TMEM217: variants seen among roughly 807,000 people sequenced by gnomAD.
TMEM217 encodes transmembrane protein 217.
For missense variants in TMEM217, 204 were observed against 248.8 expected (o/e 0.82, Z 1.21); for synonymous variants, 76 against 88.3 (o/e 0.86, Z 0.78).
At chr6:37,236,161 T>TA (rs1335627864) in intron 1 of TMEM217, among the ~76,000 whole-genome samples, 1 of 152,164 alleles carries the variant, frequency 6.6e-6, no homozygotes. Context: ...AAAAACAATT[T>TA]AAAAAAACAG....
chr6:37,229,594 C>A (rs982974752), intron 1 of TMEM217, among the ~76,000 whole-genome samples: 1 of 151,964 alleles, frequency 6.6e-6, no homozygotes, highest in Non-Finnish European at 1.5e-5. Flanking sequence ...CACCCGCCTC[C>A]GCCTCCCAAA....
intron 1 of TMEM217, among the ~76,000 whole-genome samples, chr6:37,246,174 T>C (rs1765069448): frequency 1.3e-5 from 2 of 152,140 alleles, no homozygotes; most frequent in Admixed American, 6.5e-5. Context: ...CTTCTACTTC[T>C]CCTCTAATTC....
At chr6:37,236,894 G>A (rs1336771501) in intron 1 of TMEM217, among the ~76,000 whole-genome samples, 1 of 152,076 alleles carries the variant, frequency 6.6e-6, no homozygotes, top group Non-Finnish European at 1.5e-5. Context: ...GATGCCTGGC[G>A]ATTGCTCTTG....
At chr6:37,241,690 G>A (rs735924) in intron 1 of TMEM217, among the ~76,000 whole-genome samples, 1,767 of 152,160 alleles carry the variant, frequency 0.012, 32 homozygotes, top group African/African-American at 0.04. Flanking sequence ...TTTCTAGTCT[G>A]GCAATATCCA....
At chr6:37,216,758 G>A (rs1243562927), downstream of TMEM217, among the ~76,000 whole-genome samples, 1 of 152,170 alleles carries the variant, frequency 6.6e-6, no homozygotes, top group Non-Finnish European at 1.5e-5. Flanking sequence ...GCCTTTAGGA[G>A]GTGATTGAAT....
intron 1 of TMEM217, among the ~76,000 whole-genome samples, chr6:37,239,081 G>A (rs924197134): frequency 3.3e-5 from 5 of 152,156 alleles, no homozygotes; most frequent in East Asian, 1.9e-4. Context: ...GCAGTGAGCC[G>A]AGATCATGCC....
At chr6:37,245,893 G>A (rs559045374) in intron 1 of TMEM217, among the ~76,000 whole-genome samples, 3 of 151,652 alleles carry the variant, frequency 2.0e-5, no homozygotes, top group Admixed American at 6.6e-5. Context: ...TCTGCCTCCC[G>A]GGTTCAAGCG....
chr6:37,246,049 G>A (rs1475225449), intron 1 of TMEM217, among the ~76,000 whole-genome samples: 1 of 152,096 alleles, frequency 6.6e-6, no homozygotes, highest in Non-Finnish European at 1.5e-5. Flanking sequence ...TGATCCACCT[G>A]CCTCGGCCTC....
intron 1 of TMEM217, among the ~76,000 whole-genome samples, chr6:37,256,848 C>G (rs1765774082): frequency 1.3e-5 from 2 of 152,086 alleles, no homozygotes; most frequent in Admixed American, 6.6e-5. Flanking sequence ...CAAATCACCA[C>G]GGAATACAAC....
chr6:37,243,039 C>T (rs1442491305), intron 1 of TMEM217, among the ~76,000 whole-genome samples: 3 of 152,086 alleles, frequency 2.0e-5, no homozygotes, highest in Non-Finnish European at 4.4e-5. Flanking sequence ...TGAATGGGAT[C>T]GCCATAACTT....
At chr6:37,256,413 T>A (rs2113947988) in intron 1 of TMEM217, among the ~76,000 whole-genome samples, 1 of 152,334 alleles carries the variant, frequency 6.6e-6, no homozygotes, top group Non-Finnish European at 1.5e-5. Context: ...TGTGCAGTGC[T>A]GGTCACTGCA....
chr6:37,237,736 A>G (rs1246507044), intron 1 of TMEM217, among the ~76,000 whole-genome samples: 1 of 152,216 alleles, frequency 6.6e-6, no homozygotes, highest in Non-Finnish European at 1.5e-5. Flanking sequence ...AATATGGTAG[A>G]ATCTTAACAA....
chr6:37,252,617 GTATATA>G (rs59057594), intron 1 of TMEM217, among the ~76,000 whole-genome samples: 1 of 112,310 alleles, frequency 8.9e-6, no homozygotes, highest in African/African-American at 3.2e-5. Context: ...GTATGTGTGT[GTATATA>G]TATATATATA....
downstream of TMEM217, among the ~76,000 whole-genome samples, chr6:37,215,570 C>CAAAAAAAAAAAAAAAAAAA (rs34808595): frequency 3.9e-4 from 28 of 72,368 alleles, no homozygotes; most frequent in African/African-American, 9.0e-4. Context: ...GACTCTGTCT[C>CAAAAAAAAAAAAAAAAAAA]AAAAAAAAAA....
chr6:37,235,374 A>ATT (rs1401032144), intron 1 of TMEM217, among the ~76,000 whole-genome samples: 23 of 151,118 alleles, frequency 1.5e-4, no homozygotes, highest in African/African-American at 5.6e-4. Flanking sequence ...TTTTATTATT[A>ATT]TTTTTTTTTG....
intron 1 of TMEM217, among the ~76,000 whole-genome samples, chr6:37,237,911 AT>A (rs1764579202): frequency 6.6e-6 from 1 of 152,190 alleles, no homozygotes; most frequent in South Asian, 2.1e-4. Context: ...TGAGCTCAGA[AT>A]TCTGGATGAT....
intron 1 of TMEM217, among the ~76,000 whole-genome samples, chr6:37,221,137 T>C (rs1763492825): frequency 6.6e-6 from 1 of 152,056 alleles, no homozygotes; most frequent in South Asian, 2.1e-4. Flanking sequence ...ACTATCATTC[T>C]ACTTTCTGTT....
intron 1 of TMEM217, among the ~76,000 whole-genome samples, chr6:37,231,937 T>C (rs1431514733): frequency 1.3e-5 from 2 of 151,892 alleles, no homozygotes; most frequent in Non-Finnish European, 2.9e-5. Context: ...TCTCAGTCCC[T>C]AGCCCAGACT....
At chr6:37,226,149 T>G (rs1763809995) in intron 1 of TMEM217, among the ~76,000 whole-genome samples, 1 of 152,190 alleles carries the variant, frequency 6.6e-6, no homozygotes, top group Non-Finnish European at 1.5e-5. Flanking sequence ...AGATTCTTCC[T>G]GTCTACATGC....
Sources: gnomAD v4.1 joint callset for allele counts (sites outside exome capture counted in the v4.1 genomes callset) on GRCh38, gnomAD v4.1.1 for gene constraint, MANE v1.5 for transcripts, NCBI Gene and HGNC (gene_info 2026-07-23, HGNC 2026-07-21) for gene names.